Variants in ERBB2 observed in about 807,000 individuals in gnomAD.
The protein encoded by ERBB2 is receptor tyrosine-protein kinase erbB-2.
Under a neutral mutation model 149.0 loss-of-function variants are expected in ERBB2, and 61 were observed. The ratio of observed to expected loss-of-function variants is 0.41; its 90% CI spans 0.33 to 0.51. The LOEUF is 0.51. ERBB2 is among the 20% of genes least tolerant of loss of function. The pLI, the probability that ERBB2 is intolerant of heterozygous loss-of-function variation, is 0.25. For synonymous variants in ERBB2, 633 were observed against 678.8 expected (o/e 0.93, Z 1.05); for missense variants, 1,205 against 1,655.1 (o/e 0.73, Z 4.72).
chr17:39,718,187 C>A (rs1020737742), intron 15 of ERBB2, among the ~76,000 whole-genome samples: 1 of 152,162 alleles, frequency 6.6e-6, no homozygotes, highest in African/African-American at 2.4e-5. Flanking sequence ...CTTTCCAGAA[C>A]CTTGAAATGT....
At chr17:39,706,588 G>A (rs1333273683) in intron 1 of ERBB2, among the ~76,000 whole-genome samples, 3 of 152,092 alleles carry the variant, frequency 2.0e-5, no homozygotes, top group Admixed American at 6.6e-5. Flanking sequence ...AGAGGGGCAG[G>A]GGGTATCCAG....
intron 1 of ERBB2, among the ~76,000 whole-genome samples, chr17:39,706,586 A>G (rs1424597686): frequency 2.6e-5 from 4 of 152,124 alleles, no homozygotes; most frequent in Non-Finnish European, 4.4e-5. Context: ...GGAGAGGGGC[A>G]GGGGGTATCC....
At chr17:39,694,983 T>C (rs2057828494) in exon 1 of ERBB2, 1 of 152,376 alleles carries the variant, frequency 6.6e-6, no homozygotes, top group East Asian at 1.9e-4. Context: ...ACTCTTCTAT[T>C]TCAGGTGGCA....
At chr17:39,691,795 A>G (rs2057708138), upstream of ERBB2, among the ~76,000 whole-genome samples, 1 of 148,908 alleles carries the variant, frequency 6.7e-6, no homozygotes, top group African/African-American at 2.5e-5. Flanking sequence ...AGAGCCATAC[A>G]ATGGAAGGCT....
In ERBB2 at chr17:39,709,371, G is replaced by C. The variant is rs771986239; in HGVS notation, c.493G>C (p.Asp165His). ...IQRNPQLCYQDTILWKDIFHK... is the reference protein window; with the variant it reads ...IQRNPQLCYQHTILWKDIFHK... ...GCGGAACCCCCAGCTCTGCTACCAGGACACGATTTTGTGGAAGGACATCTT... is the reference window on the plus strand; with the variant it reads ...GCGGAACCCCCAGCTCTGCTACCAGCACACGATTTTGTGGAAGGACATCTT... Residue 165 changes from aspartate (D) to histidine (H), a missense_variant, in exon 4 of 27, where the codon GAC becomes CAC. Physicochemically the swap from Asp to His is moderately conservative, Grantham distance 81. Coordinates refer to ENST00000269571, the MANE Select transcript of ERBB2 (RefSeq NM_004448.4). 2 of 1,613,884 alleles carry C rather than the reference G, an allele frequency of 1.2e-6. No homozygotes were observed. The highest frequency in any genetic ancestry group is 2.2e-5 in the East Asian group (1 of 44,888).
chr17:39,720,151 G>C, intron 16 of ERBB2: 1 of 341,456 alleles, frequency 2.9e-6, no homozygotes, highest in Non-Finnish European at 5.5e-6. Context: ...TACAGCTGCA[G>C]CACTGAGGGA....
At chr17:39,688,597 T>A (rs1433430939) in intron 1 of ERBB2, 2 of 152,506 alleles carry the variant, frequency 1.3e-5, no homozygotes, top group African/African-American at 4.8e-5. Context: ...CTGGTCTCCC[T>A]CACTCCCTTG....
At position 39,719,828 on chromosome 17, in the gene ERBB2, G is replaced by C. The variant is rs201784472; in HGVS notation, c.1940G>C (p.Arg647Thr). Residue 647 changes from arginine to threonine, a missense_variant, in exon 16 of 27, where the codon AGA (arginine) becomes ACA (threonine). Arg to Thr is a moderately conservative substitution (Grantham distance 71, BLOSUM62 -1). Around this residue, in one of 6 missense-constraint regions of ERBB2, gnomAD observed 569 missense variants for 803.5 expected, o/e 0.71. Transcript: ENST00000269571. ...LDDKGCPAEQ[R>T]ASPLTSIISA... ...GACAAGGGCTGCCCCGCCGAGCAGAGAGCCAGGTTGGCCTGGACCCCAGGA... is the reference window on the plus strand; with the variant it reads ...GACAAGGGCTGCCCCGCCGAGCAGACAGCCAGGTTGGCCTGGACCCCAGGA... The C allele has an allele frequency of 9.9e-6, 16 of 1,614,176 alleles. No homozygotes were observed. Among genetic ancestry groups the C allele is most frequent in the African/African-American group, 1.3e-5 (1 of 75,044 alleles).
rs144533600 is a variant in ERBB2 at position 39,728,006 on chromosome 17, G to A, written c.3730G>A (p.Glu1244Lys). 17 of 1,609,060 alleles carry A rather than the reference G, an allele frequency of 1.1e-5. No individual in the cohort carries two copies. The African/African-American group carries it at 1.5e-4, about 14-fold the overall frequency. Residue 1244 changes from glutamate (E) to lysine (K), a missense_variant, in exon 27 of 27, where the codon GAG becomes AAG. Coordinates refer to ENST00000269571, the MANE Select transcript of ERBB2 (RefSeq NM_004448.4). Reference protein sequence around the residue: ...PSTFKGTPTAENPEYLGLDVP... With the variant: ...PSTFKGTPTAKNPEYLGLDVP... ...CACCTTCAAAGGGACACCTACGGCA[G>A]AGAACCCAGAGTACCTGGGTCTGGA...
At chr17:39,709,557 T>TA in intron 4 of ERBB2, 105 bp downstream of exon 4, 1 of 1,351,594 alleles carries the variant, frequency 7.4e-7, no homozygotes, top group Non-Finnish European at 1.0e-6. Flanking sequence ...CCCAGCCGCC[T>TA]ACACCACCCA....
rs2143226611 is a variant in ERBB2 at position 39,727,273 on chromosome 17, T to C, written c.3160-22T>C. On this transcript the variant is annotated intron_variant, in intron 25 of 26. Coordinates refer to ENST00000269571, the MANE Select transcript of ERBB2 (RefSeq NM_004448.4). This position sits in a 1 kb window ranked among gnomAD's most constrained non-coding sequence, Gnocchi z 4.3. ...CCAGATCCGTGAGTGACCCCCATCATGACTTTCTTTCTTGTCCCCAGAGTG... is the reference window on the plus strand; with the variant it reads ...CCAGATCCGTGAGTGACCCCCATCACGACTTTCTTTCTTGTCCCCAGAGTG... The C allele has an allele frequency of 6.2e-7, 1 of 1,610,922 alleles. No homozygotes were observed. The highest frequency in any genetic ancestry group is 8.5e-7 in the Non-Finnish European group (1 of 1,179,332).
chr17:39,709,103 A>G, intron 3 of ERBB2: 1 of 599,514 alleles, frequency 1.7e-6, no homozygotes, highest in Non-Finnish European at 3.0e-6. Context: ...TGGACCTAGC[A>G]TGGACAACTC....
At position 39,700,077 on chromosome 17, in the gene ERBB2, AC is replaced by A. The variant is rs2057990162; in HGVS notation, c.-160del. 4.7e-6 allele frequency: 6 copies of A among 1,272,564 alleles called. No homozygotes were observed. The highest frequency in any genetic ancestry group is 3.1e-5 in the African/African-American group (2 of 64,500). 78.8% of individuals were successfully genotyped at this position (1,272,564 alleles called of 1,614,324 possible). A position where few individuals can be genotyped will look rare whatever the true frequency, so the allele number is the denominator to read the frequency against. On this transcript the variant is annotated 5_prime_UTR_variant, in exon 1 of 27. Coordinates refer to ENST00000269571, the MANE Select transcript of ERBB2 (RefSeq NM_004448.4). ...GAAGCTGAGATTCCCCTCCATTGGG[AC>A]CGGAGAAACCAGGGGAGCCCCCCGG...
chr17:39,696,006 T>A (rs1283543618), upstream of ERBB2, among the ~76,000 whole-genome samples: 1 of 151,890 alleles, frequency 6.6e-6, no homozygotes, highest in Non-Finnish European at 1.5e-5. Context: ...TCCCACTCCC[T>A]CTCCCCAGCC....
At position 39,715,980 on chromosome 17, in the gene ERBB2, G is replaced by T. The variant is rs771628110; in HGVS notation, c.1513+41G>T. The T allele has an allele frequency of 1.9e-6, 3 of 1,580,174 alleles. No individual in the cohort carries two copies. In the Admixed American group the frequency reaches 5.1e-5, roughly 27 times the overall value. On this transcript the variant is annotated intron_variant, in intron 12 of 26. Transcript: ENST00000269571. Reference sequence around the variant, plus strand: ...CAGTGTGCGCACTCCCCATCTGCCAGCACACAGCAGTGCCCAGGGGGCCCT... The same window carrying T: ...CAGTGTGCGCACTCCCCATCTGCCATCACACAGCAGTGCCCAGGGGGCCCT...
chr17:39,699,961 G>T, upstream of ERBB2: 1 of 1,228,292 alleles, frequency 8.1e-7, no homozygotes, highest in Non-Finnish European at 1.0e-6. Flanking sequence ...CAGTTGGAGG[G>T]GGCGAGCTGG....
rs750645426 is a variant in ERBB2, at chr17:39,725,680, C to G, written c.2726-27C>G. On this transcript the variant is annotated intron_variant, in intron 22 of 26. Transcript: ENST00000269571. This position sits in a 1 kb window ranked among gnomAD's most constrained non-coding sequence, Gnocchi z 4.6. The stretch of plus-strand genomic sequence containing the variant: ...TACACTAAAGCTCCCTCTGGCCCTC[C>G]CACTCCTGACCCTGTCTCTGCCTTA... 3 of 1,590,872 alleles carry G rather than the reference C, an allele frequency of 1.9e-6. No homozygotes were observed. Among genetic ancestry groups the G allele is most frequent in the Non-Finnish European group, 2.6e-6 (3 of 1,167,916 alleles).
chr17:39,711,120 G>A (rs764282102), intron 7 of ERBB2, among the ~76,000 whole-genome samples: 1 of 151,614 alleles, frequency 6.6e-6, no homozygotes, highest in Non-Finnish European at 1.5e-5. Context: ...GACTGGTCTC[G>A]AACTCCTGAC....
chr17:39,719,702 C>A, intron 15 of ERBB2, 85 bp from the exon 16 acceptor site: 2 of 1,372,706 alleles, frequency 1.5e-6, no homozygotes, highest in South Asian at 1.2e-5. Context: ...CCAGCCACAC[C>A]CCTCCCAGGG....
Sources: gnomAD v4.1 joint callset for allele counts (sites outside exome capture counted in the v4.1 genomes callset) on GRCh38, gnomAD v4.1.1 for gene constraint, gnomAD v4.1.1 regional missense constraint, Gnocchi (gnomAD v3.1) non-coding constraint, MANE v1.5 for transcripts, NCBI Gene and HGNC (gene_info 2026-07-23, HGNC 2026-07-21) for gene names.